FERMT1: variants seen among roughly 807,000 people sequenced by gnomAD.
The protein encoded by FERMT1 is FERM domain containing kindlin 1.
A neutral mutation model predicts 85.3 loss-of-function variants in FERMT1; 60 were observed. The ratio of observed to expected loss-of-function variants is 0.70; its 90% CI spans 0.57 to 0.87. The LOEUF is 0.87. Among genes scored for constraint, FERMT1 ranks in the 40% least tolerant of loss-of-function variants. The pLI is 0.00. For synonymous variants in FERMT1, 275 were observed against 301.1 expected, an observed-to-expected ratio of 0.91 and a Z score of 0.90; for missense variants, 701 against 818.9, an observed-to-expected ratio of 0.86 and a Z score of 1.76.
intron 14 of FERMT1, among the ~76,000 whole-genome samples, chr20:6,079,039 C>T (rs1047019193): frequency 1.3e-5 from 2 of 152,216 alleles, no homozygotes; most frequent in Non-Finnish European, 2.9e-5. Context: ...GGTTTCTTGG[C>T]AGCCAGTCAG....
chr20:6,122,497 G>T (rs1048810143), intron 1 of FERMT1, among the ~76,000 whole-genome samples: 19 of 152,166 alleles, frequency 1.2e-4, no homozygotes, highest in Non-Finnish European at 2.2e-4. Flanking sequence ...CCTGTCTTTT[G>T]CCAGCTCTGC....
At chr20:6,080,620 C>A (rs935233808) in intron 13 of FERMT1, among the ~76,000 whole-genome samples, 4 of 152,104 alleles carry the variant, frequency 2.6e-5, no homozygotes, top group Non-Finnish European at 5.9e-5. Context: ...AAGAAGTGGT[C>A]GGATTCTGTG....
At chr20:6,120,422 T>C (rs1983241535) in intron 1 of FERMT1, 1 of 152,214 alleles carries the variant, frequency 6.6e-6, no homozygotes, top group Non-Finnish European at 1.5e-5. Context: ...TTCAAACCCA[T>C]CGTTTTCCCC....
In FERMT1 at chr20:6,110,375, T is replaced by A. The variant is rs777707799; in HGVS notation, c.669A>T (p.Gln223His). ...CAAGTGCTTCTGGGGACTGGGGGGGTTGGCTGAATGCGAGGATGCTGCAGT... is the reference window on the plus strand; with the variant it reads ...CAAGTGCTTCTGGGGACTGGGGGGGATGGCTGAATGCGAGGATGCTGCAGT... ...EQNCSILAFS[Q>H]PPQSPEALAD... Residue 223 changes from glutamine to histidine, a missense_variant, in exon 5 of 15, where the codon CAA becomes CAT. Physicochemically the swap from Gln to His is conservative, Grantham distance 24. Transcript: ENST00000217289. The A allele has an allele frequency of 1.6e-5, 26 of 1,613,292 alleles. No homozygotes were observed. Among genetic ancestry groups the A allele is most frequent in the Non-Finnish European group, 2.0e-5 (24 of 1,179,840 alleles).
chr20:6,107,435 A>G, intron 6 of FERMT1, 97 bp downstream of exon 6: 1 of 720,464 alleles, frequency 1.4e-6, no homozygotes. Context: ...GATCACACAA[A>G]TAAATTCATC....
chr20:6,098,167 G>C (rs894236630), intron 6 of FERMT1, among the ~76,000 whole-genome samples: 19 of 152,024 alleles, frequency 1.2e-4, no homozygotes, highest in African/African-American at 4.6e-4. Context: ...ACCCAAATTT[G>C]ATTCCATTAT....
intron 6 of FERMT1, 98 bp downstream of exon 6, chr20:6,107,434 A>G (rs1224118751): frequency 1.4e-6 from 1 of 715,492 alleles, no homozygotes; most frequent in East Asian, 3.1e-5. Context: ...CGATCACACA[A>G]ATAAATTCAT....
intron 14 of FERMT1, among the ~76,000 whole-genome samples, chr20:6,078,272 C>T (rs1418655880): frequency 2.6e-5 from 4 of 152,200 alleles, no homozygotes; most frequent in African/African-American, 9.7e-5. Flanking sequence ...GAGCTACCGC[C>T]TTAGAGGTCA....
intron 6 of FERMT1, among the ~76,000 whole-genome samples, chr20:6,098,181 C>A (rs1982561568): frequency 6.6e-6 from 1 of 152,116 alleles, no homozygotes; most frequent in South Asian, 2.1e-4. Flanking sequence ...CCATTATTTT[C>A]TCTCTCTTTT....
chr20:6,083,983 C>G lies in FERMT1; in HGVS notation c.1718+57G>C, dbSNP rs1481422030. ...GCTAAATGAGAAAACTGGGGCTCCCCAAAAGCCACTTAAAATTGAATGGAA... is the reference window on the plus strand; with the variant it reads ...GCTAAATGAGAAAACTGGGGCTCCCGAAAAGCCACTTAAAATTGAATGGAA... On this transcript the variant is annotated intron_variant, in intron 13 of 14. Transcript: ENST00000217289. 3 of 1,610,002 alleles carry G rather than the reference C, an allele frequency of 1.9e-6. No individual in the cohort carries two copies. In the African/African-American group the frequency reaches 4.0e-5, roughly 22 times the overall value.
At position 6,110,438 on chromosome 20, in the gene FERMT1, G is replaced by A; in HGVS notation, c.606C>T (p.Thr202=). ...DPINGTPASS[T]MTWFSDSPLT... ...AAGGGCTGTCACTGAACCAAGTCAT[G>A]GTGGATGATGCTGGTGTTCCATTGA... The change falls in exon 5 of 15, where the codon ACC becomes ACT. Residue 202 remains threonine, a synonymous_variant. Coordinates refer to ENST00000217289, the MANE Select transcript of FERMT1 (RefSeq NM_017671.5). 6.2e-7 allele frequency: 1 copy of A among 1,613,248 alleles called. No individual in the cohort carries two copies.
intron 9 of FERMT1, among the ~76,000 whole-genome samples, chr20:6,094,713 A>G (rs953591503): frequency 6.6e-6 from 1 of 152,156 alleles, no homozygotes; most frequent in African/African-American, 2.4e-5. Flanking sequence ...TTCCCATTTT[A>G]TAGATTGGAA....
In FERMT1 at chr20:6,104,875, T is replaced by C. The variant is rs550153987; in HGVS notation, c.849+2657A>G. 1.6e-4 allele frequency among the ~76,000 whole-genome samples: 24 copies of C among 152,340 alleles called. No homozygotes were observed. The highest frequency in any genetic ancestry group is 5.0e-4 in the African/African-American group (21 of 41,590). On this transcript the variant is annotated intron_variant, in intron 6 of 14. Coordinates refer to ENST00000217289, the MANE Select transcript of FERMT1 (RefSeq NM_017671.5). The surrounding 1 kb of genome is among the most constrained non-coding windows in gnomAD (Gnocchi z 4.2). ...TTATTTGACTGTGAAGTCACTTACA[T>C]GTTCCTAATGGTTTTTCAGGGGGCA...
In FERMT1 at chr20:6,119,721, A is replaced by G. The variant is rs184707972; in HGVS notation, c.-18-149T>C. 549 of 641,800 alleles carry G rather than the reference A, an allele frequency of 8.6e-4. 2 individuals are homozygous for G. Among genetic ancestry groups the G allele is most frequent in the Non-Finnish European group, 1.1e-3 (422 of 377,234 alleles). The allele number at this position is 641,800 out of a possible 1,614,324, so 39.8% of individuals were successfully genotyped here. ...CTGCAAGGTTCCAGGTGCTCCAGAT[A>G]TCAAATTTGGCATCTTAACTTTGAA... On this transcript the variant is annotated intron_variant, in intron 1 of 14. Coordinates refer to ENST00000217289, the MANE Select transcript of FERMT1 (RefSeq NM_017671.5).
chr20:6,105,070 C>T (rs541899499), intron 6 of FERMT1, among the ~76,000 whole-genome samples: 49 of 152,242 alleles, frequency 3.2e-4, no homozygotes, highest in African/African-American at 1.1e-3. Context: ...AAGCCTGACT[C>T]ACAGCGTGTG....
chr20:6,105,654 A>G (rs1204512421), intron 6 of FERMT1, among the ~76,000 whole-genome samples: 1 of 152,218 alleles, frequency 6.6e-6, no homozygotes, highest in African/African-American at 2.4e-5. Flanking sequence ...AGTTTAATAT[A>G]AGTGTTTCAT....
intron 3 of FERMT1, among the ~76,000 whole-genome samples, chr20:6,114,413 A>G (rs957997462): frequency 1.3e-5 from 2 of 152,232 alleles, no homozygotes; most frequent in Non-Finnish European, 2.9e-5. Context: ...AAACTATTAC[A>G]AAGAGATAAT....
Position 6,077,170 on chromosome 20 carries a change from G to C in FERMT1, c.*3C>G, listed in dbSNP as rs1267464902. 6.2e-7 allele frequency: 1 copy of C among 1,613,746 alleles called. No homozygotes were observed. Among genetic ancestry groups the C allele is most frequent in the Non-Finnish European group, 8.5e-7 (1 of 1,180,034 alleles). On this transcript the variant is annotated 3_prime_UTR_variant, in exon 15 of 15. Coordinates refer to ENST00000217289, the MANE Select transcript of FERMT1 (RefSeq NM_017671.5). ...TGGTGTGAGCCGAGCACGCGTGCTT[G>C]TTTCAATCCTGACCGCCGGTCAATT...
intron 9 of FERMT1, among the ~76,000 whole-genome samples, chr20:6,089,886 G>T (rs1022550964): frequency 2.0e-5 from 3 of 152,196 alleles, no homozygotes; most frequent in Non-Finnish European, 4.4e-5. Context: ...AATGAGCTAG[G>T]GGGAGGACAG....
Sources: gnomAD v4.1 joint callset for allele counts (sites outside exome capture counted in the v4.1 genomes callset) on GRCh38, gnomAD v4.1.1 for gene constraint, Gnocchi (gnomAD v3.1) non-coding constraint, MANE v1.5 for transcripts, NCBI Gene and HGNC (gene_info 2026-07-23, HGNC 2026-07-21) for gene names.